Variants in EPHA5 observed in about 807,000 individuals in gnomAD.
EPHA5 encodes the protein EPH receptor A5.
A neutral mutation model predicts 105.0 loss-of-function variants in EPHA5; 60 were observed. That is an observed-to-expected ratio of 0.57 (90% CI 0.46 to 0.71). The LOEUF is 0.71. EPHA5 is among the 30% of genes least tolerant of loss of function. EPHA5 has a pLI of 0.00. For synonymous variants in EPHA5, 513 were observed against 449.1 expected (o/e 1.14, Z -1.80); for missense variants, 1,218 against 1,274.7 (o/e 0.96, Z 0.68).
At chr4:65,632,475 A>G (rs1489860659) in intron 2 of EPHA5, among the ~76,000 whole-genome samples, 3 of 151,822 alleles carry the variant, frequency 2.0e-5, no homozygotes, top group Non-Finnish European at 4.4e-5. Flanking sequence ...TACAATACAA[A>G]ATAAATAGAA....
At chr4:65,441,860 T>C (rs995932440) in intron 5 of EPHA5, among the ~76,000 whole-genome samples, 2 of 152,164 alleles carry the variant, frequency 1.3e-5, no homozygotes, top group African/African-American at 4.8e-5. Flanking sequence ...GCCAAATCAA[T>C]TGCACTTCTT....
intron 1 of EPHA5, among the ~76,000 whole-genome samples, chr4:65,652,898 C>T (rs183625720): frequency 7.9e-5 from 12 of 152,100 alleles, no homozygotes; most frequent in Non-Finnish European, 2.9e-5. Flanking sequence ...ACCCTCTTTT[C>T]TTATTTTTTT....
At position 65,516,615 on chromosome 4, in the gene EPHA5, T is replaced by C. The variant is rs375108425; in HGVS notation, c.911-21072A>G. Among the ~76,000 whole-genome samples the C allele has an allele frequency of 5.9e-5, 9 of 152,170 alleles. No individual in the cohort carries two copies. The East Asian group carries it at 1.7e-3, about 29-fold the overall frequency. On this transcript the variant is annotated intron_variant, in intron 3 of 16. Coordinates refer to ENST00000613740, the MANE Select transcript of EPHA5 (RefSeq NM_001281766.3). Reference sequence around the variant, plus strand: ...GTGTCTGTGTTTCCTACTGGTTCTGTTTTTCTGGAGAACACTGAATAATAC... The same window carrying C: ...GTGTCTGTGTTTCCTACTGGTTCTGCTTTTCTGGAGAACACTGAATAATAC...
At chr4:65,427,185 C>CTTTTTTTTTTTTTTTTTTTTTTTTTTTT (rs11443682) in intron 5 of EPHA5, among the ~76,000 whole-genome samples, 1 of 129,102 alleles carries the variant, frequency 7.7e-6, no homozygotes, top group Non-Finnish European at 1.6e-5. Context: ...CGAGTGTATT[C>CTTTTTTTTTTTTTTTTTTTTTTTTTTTT]TTTTTTTTTT....
rs1035491712 is a variant in EPHA5 at position 65,536,450 on chromosome 4, A to G, written c.911-40907T>C. Among the ~76,000 whole-genome samples the G allele has an allele frequency of 3.3e-5, 5 of 151,908 alleles. No individual in the cohort carries two copies. The East Asian group carries it at 7.7e-4, about 23-fold the overall frequency. ...TCTGGTCTAGGGTATAAGTGAAACC[A>G]TATATATTTTTTTATTAATTGTGTG... On this transcript the variant is annotated intron_variant, in intron 3 of 16. Coordinates refer to ENST00000613740, the MANE Select transcript of EPHA5 (RefSeq NM_001281766.3).
chr4:65,554,375 A>T (rs1738205069), intron 3 of EPHA5, among the ~76,000 whole-genome samples: 1 of 151,032 alleles, frequency 6.6e-6, no homozygotes, highest in African/African-American at 2.4e-5. Context: ...TGAAATATAA[A>T]TACTATTCAG....
intron 5 of EPHA5, among the ~76,000 whole-genome samples, chr4:65,488,885 A>ATTTTTTTTTT (rs5858962): frequency 8.5e-6 from 1 of 117,788 alleles, no homozygotes; most frequent in Non-Finnish European, 1.7e-5. Flanking sequence ...AGCTGCATGC[A>ATTTTTTTTTT]TTTTTTTTTT....
Position 65,597,526 on chromosome 4 carries a change from T to C in EPHA5, c.910+4115A>G, listed in dbSNP as rs559979040. On this transcript the variant is annotated intron_variant, in intron 3 of 16. Coordinates refer to ENST00000613740, the MANE Select transcript of EPHA5 (RefSeq NM_001281766.3). ...GCATGAATTTCATCAGAAATAATAA[T>C]AAATAACAAGTGGGGAAACATACTT... is the stretch of plus-strand genomic sequence containing the variant. Among the ~76,000 whole-genome samples, 40 of 151,566 alleles carry C rather than the reference T, an allele frequency of 2.6e-4. No individual in the cohort carries two copies. The East Asian group carries it at 6.2e-3, about 23-fold the overall frequency.
intron 5 of EPHA5, among the ~76,000 whole-genome samples, chr4:65,455,298 T>C (rs1727470745): frequency 6.6e-6 from 1 of 152,124 alleles, no homozygotes; most frequent in Non-Finnish European, 1.5e-5. Context: ...ATGAAAATTA[T>C]GTTTCTTTCT....
intron 8 of EPHA5, among the ~76,000 whole-genome samples, chr4:65,402,501 A>G (rs1292550569): frequency 6.6e-6 from 1 of 152,178 alleles, no homozygotes; most frequent in Non-Finnish European, 1.5e-5. Flanking sequence ...CTAAGTCTAC[A>G]CCAACATATT....
chr4:65,548,593 T>C (rs936864097), intron 3 of EPHA5, among the ~76,000 whole-genome samples: 4 of 151,980 alleles, frequency 2.6e-5, no homozygotes, highest in Admixed American at 6.6e-5. Context: ...TCCAAAGCAG[T>C]AAAATATAAA....
chr4:65,450,607 C>T (rs1048231486), intron 5 of EPHA5, among the ~76,000 whole-genome samples: 1 of 152,078 alleles, frequency 6.6e-6, no homozygotes, highest in African/African-American at 2.4e-5. Context: ...ATCTTTTCTC[C>T]ATCTAATTAT....
intron 5 of EPHA5, among the ~76,000 whole-genome samples, chr4:65,472,453 G>A (rs1213373485): frequency 6.6e-6 from 1 of 152,152 alleles, no homozygotes; most frequent in African/African-American, 2.4e-5. Flanking sequence ...CCCTTCTGAG[G>A]TTTTCCATGA....
intron 7 of EPHA5, among the ~76,000 whole-genome samples, chr4:65,409,145 A>T (rs918108041): frequency 1.6e-5 from 2 of 125,288 alleles, no homozygotes; most frequent in African/African-American, 6.0e-5. Flanking sequence ...AACAATGAGA[A>T]CACATGGACA....
intron 5 of EPHA5, among the ~76,000 whole-genome samples, chr4:65,478,536 A>G (rs559448055): frequency 2.0e-5 from 3 of 152,204 alleles, no homozygotes; most frequent in East Asian, 1.9e-4. Context: ...CAGTGGCACA[A>G]CTTTGGCTCA....
intron 3 of EPHA5, among the ~76,000 whole-genome samples, chr4:65,504,055 A>G (rs1732761565): frequency 6.6e-6 from 1 of 151,612 alleles, no homozygotes; most frequent in South Asian, 2.1e-4. Context: ...AATCATAAAT[A>G]AAATAAAGCT....
chr4:65,417,411 T>A (rs114224114), intron 6 of EPHA5, among the ~76,000 whole-genome samples: 4,906 of 152,222 alleles, frequency 0.032, 270 homozygotes, highest in African/African-American at 0.11. Flanking sequence ...CTTTAAAAAA[T>A]CTTTATAGGT....
At chr4:65,494,311 A>C (rs748837803) in intron 4 of EPHA5, among the ~76,000 whole-genome samples, 8 of 152,196 alleles carry the variant, frequency 5.3e-5, no homozygotes, top group Non-Finnish European at 1.0e-4. Flanking sequence ...GATAACAAAA[A>C]ATCTTCACTG....
intron 3 of EPHA5, among the ~76,000 whole-genome samples, chr4:65,567,596 T>TTG (rs1288165269): frequency 2.6e-5 from 4 of 151,672 alleles, no homozygotes; most frequent in African/African-American, 4.8e-5. Flanking sequence ...TGTAATGGAA[T>TTG]AAAAATGCCA....
Sources: gnomAD v4.1 joint callset for allele counts (sites outside exome capture counted in the v4.1 genomes callset) on GRCh38, gnomAD v4.1.1 for gene constraint, MANE v1.5 for transcripts, NCBI Gene and HGNC (gene_info 2026-07-23, HGNC 2026-07-21) for gene names.